The following BCAR3 variants were observed in gnomAD, a reference collection of about 807,000 sequenced individuals.
BCAR3 encodes the protein breast cancer anti-estrogen resistance protein 3.
A neutral mutation model predicts 80.1 loss-of-function variants in BCAR3; 37 were observed. The ratio of observed to expected loss-of-function variants is 0.46; its 90% CI spans 0.36 to 0.61. The LOEUF is 0.61. BCAR3 is among the 20% of genes least tolerant of loss of function. BCAR3 has a pLI of 0.00. For missense variants in BCAR3, 978 were observed against 1,068.2 expected (o/e 0.92, Z 1.18); for synonymous variants, 389 against 418.9 (o/e 0.93, Z 0.87).
intron 11 of BCAR3, 40 bp downstream of exon 11, chr1:93,567,239 A>G: frequency 6.3e-7 from 1 of 1,599,686 alleles, no homozygotes; most frequent in South Asian, 1.1e-5. Context: ...TTCAATTACG[A>G]TACAGTGTTA....
chr1:93,581,283 C>T (rs1431834325), intron 7 of BCAR3, among the ~76,000 whole-genome samples: 1 of 152,170 alleles, frequency 6.6e-6, no homozygotes, highest in African/African-American at 2.4e-5. Flanking sequence ...AGATATTACA[C>T]ATGCAATTAT....
At chr1:93,841,212 G>T (rs1262830728) in intron 2 of BCAR3, among the ~76,000 whole-genome samples, 1 of 152,190 alleles carries the variant, frequency 6.6e-6, no homozygotes, top group Non-Finnish European at 1.5e-5. Context: ...GACTTTCTCA[G>T]CTGTATCTCT....
intron 3 of BCAR3, among the ~76,000 whole-genome samples, chr1:93,606,865 G>GA (rs913367458): frequency 6.6e-6 from 1 of 152,212 alleles, no homozygotes; most frequent in Non-Finnish European, 1.5e-5. Flanking sequence ...TGGAGGTTGA[G>GA]AAAGCTGATT....
chr1:93,847,532 C>T (rs1283493838), upstream of BCAR3: 1 of 152,706 alleles, frequency 6.5e-6, no homozygotes, highest in Admixed American at 6.6e-5. Flanking sequence ...GGGCCGTCGC[C>T]TCTGGCTTAA....
At chr1:93,669,536 A>G (rs1346870987) in intron 2 of BCAR3, among the ~76,000 whole-genome samples, 1 of 152,200 alleles carries the variant, frequency 6.6e-6, no homozygotes, top group Non-Finnish European at 1.5e-5. Context: ...ATGAAACACC[A>G]CATTGTCCTA....
At position 93,749,570 on chromosome 1, in the gene BCAR3, C is replaced by G. The variant is rs558110183; in HGVS notation, c.-62-43428G>C. Among the ~76,000 whole-genome samples the G allele has an allele frequency of 9.5e-4, 132 of 139,298 alleles. 1 individual carries two copies. Among genetic ancestry groups the G allele is most frequent in the African/African-American group, 3.5e-3 (127 of 36,270 alleles). The allele number at this position is 139,298 out of a possible 152,430, so 91.4% of individuals were successfully genotyped here. On this transcript the variant is annotated intron_variant, in intron 2 of 13. Transcript: ENST00000370244. ...CACCACTGCACACCAGCCTGGGTGA[C>G]AGAGCGAGACTCCGTCAAAAAAAAA...
intron 2 of BCAR3, among the ~76,000 whole-genome samples, chr1:93,742,974 G>T (rs1033256052): frequency 1.3e-5 from 2 of 152,144 alleles, no homozygotes; most frequent in African/African-American, 4.8e-5. Context: ...TGAATATTCT[G>T]CTTAACTCCA....
intron 2 of BCAR3, among the ~76,000 whole-genome samples, chr1:93,644,321 C>A (rs1263290315): frequency 6.6e-6 from 1 of 152,218 alleles, no homozygotes; most frequent in African/African-American, 2.4e-5. Flanking sequence ...TTCAAAGGAA[C>A]CTTGGTCTCC....
intron 2 of BCAR3, among the ~76,000 whole-genome samples, chr1:93,720,878 C>T (rs778647393): frequency 5.9e-5 from 9 of 151,956 alleles, no homozygotes; most frequent in Non-Finnish European, 1.2e-4. Context: ...CCGGAACTCC[C>T]AGGCCCTGCG....
chr1:93,571,714 G>C lies in BCAR3; in HGVS notation c.1930C>G (p.Leu644Val). ...AVELKDSMGD[L>V]YSFSALMKAL... ...TTCATGAGAGCTGAGAAGGAATAGA[G>C]GTCCCCCATGGAATCCTTCAGTTCC... Residue 644 changes from leucine (L) to valine (V), a missense_variant, in exon 9 of 12, where the codon CTC becomes GTC. Physicochemically the swap from Leu to Val is conservative, Grantham distance 32. Transcript: ENST00000260502. 6.2e-7 allele frequency: 1 copy of C among 1,614,148 alleles called. No homozygotes were observed. Among genetic ancestry groups the C allele is most frequent in the East Asian group, 2.2e-5 (1 of 44,870 alleles).
At chr1:93,696,970 T>C (rs1266042941) in intron 3 of BCAR3, among the ~76,000 whole-genome samples, 4 of 152,192 alleles carry the variant, frequency 2.6e-5, no homozygotes, top group Non-Finnish European at 4.4e-5. Flanking sequence ...CCAGCCCTGA[T>C]TGATACTCAG....
In BCAR3 at chr1:93,768,734, G is replaced by C. The variant is rs966192065; in HGVS notation, c.-62-62592C>G. Among the ~76,000 whole-genome samples the C allele has an allele frequency of 7.2e-5, 11 of 152,306 alleles. No homozygotes were observed. In the East Asian group the frequency reaches 1.5e-3, roughly 21 times the overall value. ...GGAAGTAGAGATATCGCAGGAAGTG[G>C]GGCTGGAGGGGATGCTGGAGGCCTC... is the stretch of plus-strand genomic sequence containing the variant. On this transcript the variant is annotated intron_variant, in intron 2 of 13. Transcript: ENST00000370244.
chr1:93,785,217 C>T (rs1652898079), intron 2 of BCAR3, among the ~76,000 whole-genome samples: 1 of 152,214 alleles, frequency 6.6e-6, no homozygotes, highest in African/African-American at 2.4e-5. Context: ...TTTGGAAACA[C>T]CAAATGAAGG....
At chr1:93,562,609 A>G (rs1422235231) in intron 11 of BCAR3, among the ~76,000 whole-genome samples, 190 bp from the exon 12 acceptor site, 1 of 151,938 alleles carries the variant, frequency 6.6e-6, no homozygotes, top group Non-Finnish European at 1.5e-5. Context: ...CTCTACTAAA[A>G]AAATACAAAA....
intron 1 of BCAR3, among the ~76,000 whole-genome samples, chr1:93,846,144 G>C (rs1023331121): frequency 1.3e-5 from 2 of 148,770 alleles, no homozygotes; most frequent in Admixed American, 6.6e-5. Flanking sequence ...TTCGTCTTGG[G>C]GTTAAGTAAG....
intron 8 of BCAR3, among the ~76,000 whole-genome samples, chr1:93,572,829 G>A (rs568766845): frequency 4.6e-5 from 7 of 152,320 alleles, no homozygotes; most frequent in African/African-American, 1.2e-4. Context: ...GTTACTCCAC[G>A]CTGTGCTCTC....
intron 2 of BCAR3, among the ~76,000 whole-genome samples, chr1:93,739,984 C>T (rs879269493): frequency 6.7e-6 from 1 of 150,198 alleles, no homozygotes; most frequent in African/African-American, 2.5e-5. Flanking sequence ...TGCAGTGAGC[C>T]GAGATCATGC....
At chr1:93,696,249 A>G (rs1649396572) in intron 3 of BCAR3, among the ~76,000 whole-genome samples, 1 of 152,136 alleles carries the variant, frequency 6.6e-6, no homozygotes, top group Admixed American at 6.5e-5. Context: ...AATGTTGATT[A>G]TGGGACAGAC....
At chr1:93,712,432 G>A (rs1650054459) in intron 2 of BCAR3, among the ~76,000 whole-genome samples, 1 of 152,200 alleles carries the variant, frequency 6.6e-6, no homozygotes, top group African/African-American at 2.4e-5. Context: ...CTAATCCAGA[G>A]GACGTTCACC....
Sources: gnomAD v4.1 joint callset for allele counts (sites outside exome capture counted in the v4.1 genomes callset) on GRCh38, gnomAD v4.1.1 for gene constraint, MANE v1.5 for transcripts, NCBI Gene and HGNC (gene_info 2026-07-23, HGNC 2026-07-21) for gene names.